SBF2: variants seen among roughly 807,000 people sequenced by gnomAD.
The protein encoded by SBF2 is myotubularin-related protein 13.
Under a neutral mutation model 225.2 loss-of-function variants are expected in SBF2, and 112 were observed. The ratio of observed to expected loss-of-function variants is 0.50; its 90% CI spans 0.43 to 0.58. The LOEUF is 0.58. Ranked by LOEUF, SBF2 falls within the 20% of genes least tolerant of loss-of-function variation. SBF2 has a pLI of 0.00. For missense variants in SBF2, 1,996 were observed against 2,206.2 expected (o/e 0.90, Z 1.91); for synonymous variants, 763 against 773.3 (o/e 0.99, Z 0.22).
At chr11:10,286,628 G>C (rs1034390229) in intron 1 of SBF2, among the ~76,000 whole-genome samples, 1 of 152,134 alleles carries the variant, frequency 6.6e-6, no homozygotes, top group African/African-American at 2.4e-5. Context: ...AAAGTGGTGA[G>C]ATTATAAGTG....
At chr11:10,251,401 T>G (rs1262344191) in intron 1 of SBF2, among the ~76,000 whole-genome samples, 2 of 152,204 alleles carry the variant, frequency 1.3e-5, no homozygotes, top group Non-Finnish European at 2.9e-5. Flanking sequence ...ACAACAGACT[T>G]TACATTTTCT....
chr11:9,971,538 G>A (rs1490108101), intron 13 of SBF2, among the ~76,000 whole-genome samples: 1 of 152,024 alleles, frequency 6.6e-6, no homozygotes, highest in Non-Finnish European at 1.5e-5. Context: ...AATTAGCCAG[G>A]CATGGTGGTG....
At chr11:9,967,971 C>CTCTCTCTATATATATATATATATATA in intron 14 of SBF2, among the ~76,000 whole-genome samples, 1 of 91,510 alleles carries the variant, frequency 1.1e-5, no homozygotes, top group African/African-American at 3.8e-5. Context: ...CTCTCTCTCT[C>CTCTCTCTATATATATATATATATATA]TATATATATA....
At chr11:10,109,511 C>T (rs1034504346) in intron 2 of SBF2, among the ~76,000 whole-genome samples, 3 of 152,164 alleles carry the variant, frequency 2.0e-5, no homozygotes, top group Admixed American at 6.5e-5. Flanking sequence ...CTAGGGACTC[C>T]ATTCAAATAC....
intron 1 of SBF2, among the ~76,000 whole-genome samples, chr11:10,224,401 C>G (rs1175769321): frequency 1.3e-5 from 2 of 152,042 alleles, no homozygotes; most frequent in Admixed American, 1.3e-4. Context: ...TCACAACAGC[C>G]AAAATAAATT....
rs180723371 is a variant in SBF2 at position 10,171,135 on chromosome 11, T to C, written c.141+22767A>G. Among the ~76,000 whole-genome samples the C allele has an allele frequency of 3.3e-3, 508 of 152,270 alleles. 7 individuals carry two copies. Among genetic ancestry groups the C allele is most frequent in the Non-Finnish European group, 2.4e-3 (164 of 67,992 alleles). ...CCAATTTGGATGCCCTAGACTTCCT[T>C]CTCTTATCTGGTTGCCCTAGCTAGA... is the stretch of plus-strand genomic sequence containing the variant. On this transcript the variant is annotated intron_variant, in intron 2 of 39. Transcript: ENST00000256190.
intron 1 of SBF2, among the ~76,000 whole-genome samples, chr11:10,207,200 G>A (rs1027972006): frequency 2.6e-5 from 4 of 152,016 alleles, no homozygotes; most frequent in African/African-American, 9.7e-5. Context: ...TTTTTCAAGT[G>A]CTGAAAGAAA....
chr11:10,020,807 T>C (rs1316252598), intron 6 of SBF2, among the ~76,000 whole-genome samples: 1 of 152,154 alleles, frequency 6.6e-6, no homozygotes, highest in Non-Finnish European at 1.5e-5. Flanking sequence ...CTGAAACAAC[T>C]TGCTGAATAG....
intron 1 of SBF2, among the ~76,000 whole-genome samples, chr11:10,288,182 C>G (rs1442527619): frequency 1.3e-5 from 2 of 152,180 alleles, no homozygotes; most frequent in African/African-American, 2.4e-5. Context: ...CCTTCACCTG[C>G]AACATGGTGA....
At chr11:10,241,742 A>G (rs971167020) in intron 1 of SBF2, among the ~76,000 whole-genome samples, 7 of 152,128 alleles carry the variant, frequency 4.6e-5, no homozygotes, top group Middle Eastern at 3.2e-3. Flanking sequence ...CGAGAAGCAG[A>G]TATCTATAAA....
intron 6 of SBF2, among the ~76,000 whole-genome samples, chr11:10,004,508 C>A (rs1376452754): frequency 7.1e-6 from 1 of 141,244 alleles, no homozygotes; most frequent in African/African-American, 2.6e-5. Flanking sequence ...AAAGGGAAGT[C>A]AAGCTAGGAA....
chr11:10,010,406 A>T (rs1465005718), intron 6 of SBF2, among the ~76,000 whole-genome samples: 2 of 152,128 alleles, frequency 1.3e-5, no homozygotes, highest in South Asian at 2.1e-4. Flanking sequence ...TCTTGAGTTA[A>T]TTTTTTTAAA....
chr11:10,300,111 A>G (rs1369937871), intron 1 of SBF2, among the ~76,000 whole-genome samples: 1 of 152,138 alleles, frequency 6.6e-6, no homozygotes, highest in Non-Finnish European at 1.5e-5. Context: ...CATTTCGAAT[A>G]TTAGATCCCC....
intron 6 of SBF2, among the ~76,000 whole-genome samples, chr11:10,011,747 C>G (rs1948469551): frequency 6.6e-6 from 1 of 152,108 alleles, no homozygotes; most frequent in Non-Finnish European, 1.5e-5. Flanking sequence ...TCTATTGATT[C>G]ATATAGATGA....
intron 6 of SBF2, among the ~76,000 whole-genome samples, chr11:10,019,024 G>A (rs904118397): frequency 2.0e-5 from 3 of 151,854 alleles, no homozygotes; most frequent in African/African-American, 7.3e-5. Flanking sequence ...CTATTATTGT[G>A]CTAATTATAT....
Position 9,824,647 on chromosome 11 carries a change from G to A in SBF2, c.3793+4709C>T, listed in dbSNP as rs189097461. On this transcript the variant is annotated intron_variant, in intron 28 of 39. Transcript: ENST00000256190. ...CAACATAATAGGAGGAGACAACTGT[G>A]CAGCTACAATTTATATTATAGGCCA... Among the ~76,000 whole-genome samples the A allele has an allele frequency of 4.3e-4, 65 of 152,206 alleles. 1 individual carries two copies. Among genetic ancestry groups the A allele is most frequent in the Non-Finnish European group, 2.5e-4 (17 of 68,008 alleles).
At chr11:9,969,198 A>C (rs1210144559) in intron 13 of SBF2, among the ~76,000 whole-genome samples, 2 of 152,146 alleles carry the variant, frequency 1.3e-5, no homozygotes, top group African/African-American at 4.8e-5. Context: ...CCAACTATCC[A>C]TTCCTCTGCA....
chr11:10,223,551 T>A (rs1402778813), intron 1 of SBF2, among the ~76,000 whole-genome samples: 1 of 151,416 alleles, frequency 6.6e-6, no homozygotes, highest in East Asian at 1.9e-4. Context: ...TGAAAGTTTA[T>A]GTCATCTGTT....
At chr11:10,282,385 T>G (rs1963471120) in intron 1 of SBF2, among the ~76,000 whole-genome samples, 1 of 152,136 alleles carries the variant, frequency 6.6e-6, no homozygotes, top group African/African-American at 2.4e-5. Context: ...TTCTTCATAT[T>G]TGACAATCAG....
Sources: allele counts gnomAD v4.1 joint callset (sites outside exome capture counted in the v4.1 genomes callset), GRCh38; gene constraint gnomAD v4.1.1; transcripts MANE v1.5; gene names NCBI Gene and HGNC (gene_info 2026-07-23, HGNC 2026-07-21).